Variants in AMDHD1 observed in about 807,000 individuals in gnomAD.
AMDHD1 encodes the protein amidohydrolase domain containing 1, also known as probable imidazolonepropionase.
In AMDHD1, 45 loss-of-function variants were observed where a neutral mutation model predicts 44.1. The ratio of observed to expected loss-of-function variants is 1.02; its 90% CI spans 0.80 to 1.31. AMDHD1 has a LOEUF of 1.31. AMDHD1 is among the 50% of genes most tolerant of loss of function. AMDHD1 has a pLI of 0.00. For synonymous variants in AMDHD1, 206 were observed against 205.0 expected (o/e 1.00, Z -0.04); for missense variants, 586 against 552.1 (o/e 1.06, Z -0.61).
chr12:95,965,658 G>T lies in AMDHD1; in HGVS notation c.939-28G>T, dbSNP rs1443532519. 2.0e-6 allele frequency: 3 copies of T among 1,528,010 alleles called. No homozygotes were observed. In the East Asian group the frequency reaches 6.8e-5, roughly 35 times the overall value. The allele number at this position is 1,528,010 out of a possible 1,614,324, so 94.7% of individuals were successfully genotyped here. A position where few individuals can be genotyped will look rare whatever the true frequency, so the allele number is the denominator to read the frequency against. On this transcript the variant is annotated intron_variant, in intron 6 of 8. Coordinates refer to ENST00000266736, the MANE Select transcript of AMDHD1 (RefSeq NM_152435.3). ...ATTCTACAAAAGCTCCCATTCTAGA[G>T]ACTGACATATTTTTTTCCTCCCCTT...
Position 95,956,893 on chromosome 12 carries a change from T to C in AMDHD1, c.518T>C (p.Ile173Thr), listed in dbSNP as rs755303734. Residue 173 changes from isoleucine (I) to threonine (T), a missense_variant, in exon 4 of 9, where the codon ATT becomes ACT. Transcript: ENST00000266736. ...LETELKMLRV[I>T]ERARRELDIG... Reference sequence around the variant, plus strand: ...ACCGAGCTCAAGATGCTGCGCGTGATTGAGCGCGCCCGGCGGGAGCTGGAC... The same window carrying C: ...ACCGAGCTCAAGATGCTGCGCGTGACTGAGCGCGCCCGGCGGGAGCTGGAC... 7.4e-6 allele frequency: 12 copies of C among 1,613,754 alleles called. No homozygotes were observed. Among genetic ancestry groups the C allele is most frequent in the South Asian group, 2.2e-5 (2 of 91,064 alleles).
At chr12:95,953,231 T>C (rs2080532950) in intron 2 of AMDHD1, among the ~76,000 whole-genome samples, 1 of 152,228 alleles carries the variant, frequency 6.6e-6, no homozygotes, top group Non-Finnish European at 1.5e-5. Flanking sequence ...TATTAATCCA[T>C]GGCATAGGAG....
intron 8 of AMDHD1, among the ~76,000 whole-genome samples, chr12:95,967,481 T>G (rs1287749484): frequency 6.6e-6 from 1 of 152,174 alleles, no homozygotes; most frequent in Non-Finnish European, 1.5e-5. Context: ...CAGAAACCAC[T>G]CCCTGTATTG....
intron 1 of AMDHD1, among the ~76,000 whole-genome samples, 184 bp from the exon 2 acceptor site, chr12:95,952,533 C>A (rs1054331042): frequency 1.3e-5 from 2 of 152,140 alleles, no homozygotes; most frequent in African/African-American, 4.8e-5. Context: ...TTTGGCTAAT[C>A]TGGGTCTTTT....
intron 4 of AMDHD1, among the ~76,000 whole-genome samples, chr12:95,959,068 AAAAAAAAGAAAAG>A (rs887850297): frequency 1.1e-4 from 16 of 152,178 alleles, no homozygotes; most frequent in South Asian, 2.1e-4. Flanking sequence ...AAAAGAAGAA[AAAAAAAAGAAAAG>A]AAAAAAAGAA....
chr12:95,960,628 G>A lies in AMDHD1; in HGVS notation c.813+5G>A, dbSNP rs752581438. 7 of 1,609,186 alleles carry A rather than the reference G, an allele frequency of 4.4e-6. No homozygotes were observed. Among genetic ancestry groups the A allele is most frequent in the Middle Eastern group, 1.6e-4 (1 of 6,062 alleles). On this transcript the variant is annotated splice_donor_5th_base_variant and intron_variant, in intron 5 of 8. Coordinates refer to ENST00000266736, the MANE Select transcript of AMDHD1 (RefSeq NM_152435.3). The stretch of plus-strand genomic sequence containing the variant: ...CACCCGATGAAGGCTGCTGAGGTGT[G>A]GTTGACTTTTAGTTTTTCCCTCGTC...
chr12:95,946,037 A>G (rs889944960), intron 1 of AMDHD1, among the ~76,000 whole-genome samples: 1 of 147,714 alleles, frequency 6.8e-6, no homozygotes, highest in African/African-American at 2.5e-5. Flanking sequence ...TCATTCTTAA[A>G]TTAAGTTCTC....
chr12:95,949,160 G>GAA lies in AMDHD1; in HGVS notation c.138-3540_138-3539dup, dbSNP rs1358481972. On this transcript the variant is annotated intron_variant, in intron 1 of 8. Transcript: ENST00000266736. Reference sequence around the variant, plus strand: ...TAAATTAAAAAAAAAAAAAAAAAAAGAAAAAAAAAAAAAAAAAAGAGACTG... The same window carrying GAA: ...TAAATTAAAAAAAAAAAAAAAAAAAGAAAAAAAAAAAAAAAAAAAAGAGACTG... Among the ~76,000 whole-genome samples, 167 of 101,890 alleles carry GAA rather than the reference G, an allele frequency of 1.6e-3. 27 individuals carry two copies. Among genetic ancestry groups the GAA allele is most frequent in the African/African-American group, 5.2e-3 (155 of 30,048 alleles). The allele number at this position is 101,890 out of a possible 152,430, so 66.8% of individuals were successfully genotyped here. A position where few individuals can be genotyped will look rare whatever the true frequency, so the allele number is the denominator to read the frequency against.
chr12:95,953,968 C>T (rs1005658952), intron 2 of AMDHD1, among the ~76,000 whole-genome samples: 5 of 152,142 alleles, frequency 3.3e-5, no homozygotes, highest in South Asian at 4.1e-4. Context: ...TCTGAGTAGG[C>T]GCTTTTGATT....
In AMDHD1 at chr12:95,960,455, G is replaced by GA; in HGVS notation, c.647dup (p.Glu217GlyfsTer18). Reference sequence around the variant, plus strand: ...TCATCAATAACCACCTCCCAAAGCTGAAGGAACTTGGCAGAAATGGGGAAA... The same window carrying GA: ...TCATCAATAACCACCTCCCAAAGCTGAAAGGAACTTGGCAGAAATGGGGAAA... On this transcript the variant is annotated frameshift_variant, in exon 5 of 9. Transcript: ENST00000266736. LOFTEE classifies it high-confidence loss of function. The GA allele has an allele frequency of 6.2e-7, 1 of 1,614,198 alleles. No individual in the cohort carries two copies. The highest frequency in any genetic ancestry group is 1.1e-5 in the South Asian group (1 of 91,088).
chr12:95,943,614 G>A (rs1301176550), intron 1 of AMDHD1, 79 bp downstream of exon 1: 1 of 1,366,598 alleles, frequency 7.3e-7, no homozygotes. Flanking sequence ...ACTCTGGAGG[G>A]AAACAACGCC....
intron 4 of AMDHD1, among the ~76,000 whole-genome samples, chr12:95,958,500 C>T (rs2080563844): frequency 6.6e-6 from 1 of 152,068 alleles, no homozygotes; most frequent in Non-Finnish European, 1.5e-5. Context: ...TTGAGACATT[C>T]TCTATAGAAA....
At position 95,967,744 on chromosome 12, in the gene AMDHD1, T is replaced by TC. The variant is rs2080618943; in HGVS notation, c.1194-12_1194-11insC. ...TTGAAGTAATATTTGTTGTTTTTTT[T>TC]TTTTTTTCTAGATGGGAGCATTTGA... On this transcript the variant is annotated splice_polypyrimidine_tract_variant and intron_variant, in intron 8 of 8. Coordinates refer to ENST00000266736, the MANE Select transcript of AMDHD1 (RefSeq NM_152435.3). 1 of 1,545,184 alleles carries TC rather than the reference T, an allele frequency of 6.5e-7. No homozygotes were observed. Among genetic ancestry groups the TC allele is most frequent in the African/African-American group, 1.4e-5 (1 of 70,950 alleles).
At chr12:95,967,613 T>G (rs1212233309) in intron 8 of AMDHD1, 143 bp from the exon 9 acceptor site, 5 of 624,784 alleles carry the variant, frequency 8.0e-6, no homozygotes, top group Non-Finnish European at 1.3e-5. Context: ...TTATATACGG[T>G]TTTTTAGAAA....
chr12:95,954,577 TA>T (rs369800213), intron 2 of AMDHD1, among the ~76,000 whole-genome samples: 93 of 70,696 alleles, frequency 1.3e-3, no homozygotes, highest in East Asian at 3.7e-3. Context: ...CAAAAATAAA[TA>T]AAATAAAATA....
chr12:95,967,574 CAAT>C (rs1025049848), intron 8 of AMDHD1, among the ~76,000 whole-genome samples, 179 bp from the exon 9 acceptor site: 5 of 152,230 alleles, frequency 3.3e-5, no homozygotes, highest in African/African-American at 4.8e-5. Context: ...TATTATTAAA[CAAT>C]GTTTGATTTA....
At position 95,968,473 on chromosome 12, in the gene AMDHD1, A is replaced by C. The variant is rs2080623245; in HGVS notation, c.*630A>C. 6.6e-6 allele frequency: 1 copy of C among 152,138 alleles called. No homozygotes were observed. Among genetic ancestry groups the C allele is most frequent in the South Asian group, 2.1e-4 (1 of 4,832 alleles). The allele number at this position is 152,138 out of a possible 1,614,324, so 9.4% of individuals were successfully genotyped here. A position where few individuals can be genotyped will look rare whatever the true frequency, so the allele number is the denominator to read the frequency against. ...ACAGGGGCCTTCCTGAAATGGGTGC[A>C]TTTTTACCAACTACAATCATGTAAT... is the stretch of plus-strand genomic sequence containing the variant. On this transcript the variant is annotated 3_prime_UTR_variant, in exon 9 of 9. Coordinates refer to ENST00000266736, the MANE Select transcript of AMDHD1 (RefSeq NM_152435.3).
chr12:95,955,988 C>T (rs2080547397), intron 3 of AMDHD1, among the ~76,000 whole-genome samples: 1 of 152,162 alleles, frequency 6.6e-6, no homozygotes, highest in African/African-American at 2.4e-5. Context: ...ATTGCCTAAG[C>T]TTTGTTTTCT....
chr12:95,960,580 T>A lies in AMDHD1; in HGVS notation c.770T>A (p.Ile257Asn). Residue 257 changes from isoleucine (I) to asparagine (N), a missense_variant, in exon 5 of 9, where the codon ATT (isoleucine) becomes AAT (asparagine). Transcript: ENST00000266736. ...CGTGGAAAAGATATAGGGTTACAGATTAACTTCCATGGGGATGAACTCCAC... is the reference window on the plus strand; with the variant it reads ...CGTGGAAAAGATATAGGGTTACAGAATAACTTCCATGGGGATGAACTCCAC... ...LQRGKDIGLQ[I>N]NFHGDELHPM... 1 of 1,614,198 alleles carries A rather than the reference T, an allele frequency of 6.2e-7. No homozygotes were observed. Among genetic ancestry groups the A allele is most frequent in the Middle Eastern group, 1.6e-4 (1 of 6,062 alleles).
Sources: gnomAD v4.1 joint callset for allele counts (sites outside exome capture counted in the v4.1 genomes callset) on GRCh38, gnomAD v4.1.1 for gene constraint, MANE v1.5 for transcripts, NCBI Gene and HGNC (gene_info 2026-07-23, HGNC 2026-07-21) for gene names.